Variants in COL5A1 observed in about 807,000 individuals in gnomAD.
COL5A1 encodes the protein collagen type V alpha 1 chain.
COL5A1 carries 16 observed loss-of-function variants against 263.7 expected under a neutral mutation model. The ratio of observed to expected loss-of-function variants is 0.06; its 90% confidence interval spans 0.04 to 0.09. The LOEUF (loss-of-function observed/expected upper bound fraction) is 0.09. Ranked by LOEUF, COL5A1 falls within the 10% of genes least tolerant of loss-of-function variation. The pLI, the probability that COL5A1 is intolerant of heterozygous loss-of-function variation, is 1.00. For synonymous variants in COL5A1, 1,012 were observed against 1,004.5 expected (o/e 1.01, Z -0.14); for missense variants, 2,036 against 2,540.5 (o/e 0.80, Z 4.27).
chr9:134,721,641 G>A (rs966340170), intron 4 of COL5A1, among the ~76,000 whole-genome samples: 21 of 152,290 alleles, frequency 1.4e-4, no homozygotes, highest in African/African-American at 4.1e-4. Context: ...CTCCTCCTCC[G>A]CCCAGTCCTT....
chr9:134,829,797 C>T (rs899995381), intron 63 of COL5A1, among the ~76,000 whole-genome samples, 179 bp from the exon 64 acceptor site: 6 of 152,204 alleles, frequency 3.9e-5, no homozygotes, highest in Admixed American at 1.3e-4. Flanking sequence ...CCAGTCTCCC[C>T]ACAAGGGCCG....
chr9:134,705,965 C>A (rs1833822863), intron 4 of COL5A1, among the ~76,000 whole-genome samples: 1 of 152,230 alleles, frequency 6.6e-6, no homozygotes, highest in Non-Finnish European at 1.5e-5. Context: ...GCGCCTCCTG[C>A]CCGTACCTGC....
At chr9:134,808,861 G>C in intron 42 of COL5A1, 1 of 431,478 alleles carries the variant, frequency 2.3e-6, no homozygotes, top group East Asian at 4.8e-5. Context: ...TCCACATACA[G>C]GCTCAAGAAT....
At chr9:134,747,649 A>G (rs1303199359) in intron 11 of COL5A1, among the ~76,000 whole-genome samples, 1 of 151,610 alleles carries the variant, frequency 6.6e-6, no homozygotes, top group Non-Finnish European at 1.5e-5. Flanking sequence ...GCATTCATAC[A>G]CATGCAGACA....
At chr9:134,761,795 C>T (rs1363586325) in intron 18 of COL5A1, 130 bp from the exon 19 acceptor site, 6 of 937,610 alleles carry the variant, frequency 6.4e-6, no homozygotes, top group Non-Finnish European at 1.1e-5. Flanking sequence ...GAAAATTCCC[C>T]CATTCTGGAA....
At chr9:134,791,476 C>A (rs1056422174) in intron 32 of COL5A1, among the ~76,000 whole-genome samples, 5 of 152,188 alleles carry the variant, frequency 3.3e-5, no homozygotes, top group East Asian at 1.9e-4. Flanking sequence ...GCAGCACTGC[C>A]TGGCTTTCTG....
At chr9:134,660,749 A>G (rs1832177482) in intron 1 of COL5A1, among the ~76,000 whole-genome samples, 1 of 152,176 alleles carries the variant, frequency 6.6e-6, no homozygotes, top group African/African-American at 2.4e-5. Context: ...GGAGCTGATG[A>G]TGTCTCTCTA....
In COL5A1 at chr9:134,696,276, C is replaced by T. The variant is rs1477361753; in HGVS notation, c.278-3633C>T. On this transcript the variant is annotated intron_variant, in intron 2 of 65. Transcript: ENST00000371817. This position sits in a 1 kb window ranked among gnomAD's most constrained non-coding sequence, Gnocchi z 4.3. ...GCAACCTCTGCCTCCCAGGTTCAAG[C>T]GATTCTCCTGCCTCAGCCCCCCGAG... is the stretch of plus-strand genomic sequence containing the variant. Among the ~76,000 whole-genome samples the T allele has an allele frequency of 6.6e-6, 1 of 152,072 alleles. No individual in the cohort carries two copies. Among genetic ancestry groups the T allele is most frequent in the African/African-American group, 2.4e-5 (1 of 41,392 alleles).
Position 134,729,515 on chromosome 9 carries a change from AGT to A in COL5A1, c.925-713_925-712del, listed in dbSNP as rs766549154. 7.5e-3 allele frequency among the ~76,000 whole-genome samples: 940 copies of A among 125,408 alleles called. 13 individuals carry two copies. The highest frequency in any genetic ancestry group is 0.029 in the Middle Eastern group (6 of 204). The allele number at this position is 125,408 out of a possible 152,430, so 82.3% of individuals were successfully genotyped here. ...GTGCTTGAGCCTGCGTGTGTGTGAG[AGT>A]GTGTGTGAGCGTGTGTGCATGCGGG... is the stretch of plus-strand genomic sequence containing the variant. On this transcript the variant is annotated intron_variant, in intron 6 of 65. Coordinates refer to ENST00000371817, the MANE Select transcript of COL5A1 (RefSeq NM_000093.5).
chr9:134,654,320 G>A (rs1271432140), intron 1 of COL5A1, among the ~76,000 whole-genome samples: 4 of 138,458 alleles, frequency 2.9e-5, no homozygotes, highest in Non-Finnish European at 1.6e-5. Context: ...AGGAGTGTAG[G>A]GCTGGGGTGT....
chr9:134,763,097 CAT>C (rs150267284), intron 19 of COL5A1, among the ~76,000 whole-genome samples: 7,938 of 152,146 alleles, frequency 0.052, 259 homozygotes, highest in African/African-American at 0.085. Flanking sequence ...TCTGTGTGTC[CAT>C]GTGTGTGTAG....
At chr9:134,785,564 A>G (rs1325525551) in intron 30 of COL5A1, among the ~76,000 whole-genome samples, 1 of 152,062 alleles carries the variant, frequency 6.6e-6, no homozygotes, top group South Asian at 2.1e-4. Flanking sequence ...TGGGCCAGCC[A>G]CACACCCTGG....
chr9:134,744,452 C>T (rs1835405607), intron 11 of COL5A1, among the ~76,000 whole-genome samples: 1 of 151,864 alleles, frequency 6.6e-6, no homozygotes, highest in South Asian at 2.1e-4. Flanking sequence ...TGTGTACACG[C>T]ACACACTCAC....
intron 11 of COL5A1, among the ~76,000 whole-genome samples, chr9:134,749,579 A>G (rs149302995): frequency 6.6e-6 from 1 of 152,326 alleles, no homozygotes; most frequent in East Asian, 1.9e-4. Context: ...GGAATCCATC[A>G]TGGGTTTCCT....
chr9:134,658,160 C>G (rs991492370), intron 1 of COL5A1, among the ~76,000 whole-genome samples: 1 of 152,054 alleles, frequency 6.6e-6, no homozygotes, highest in Non-Finnish European at 1.5e-5. Flanking sequence ...CAGGGGCTTT[C>G]TGCCCAGGGC....
chr9:134,820,257 T>C (rs1396146526), intron 58 of COL5A1, 34 bp downstream of exon 58: 6 of 1,558,676 alleles, frequency 3.8e-6, no homozygotes, highest in Non-Finnish European at 5.3e-6. Flanking sequence ...ATGTGGGCTG[T>C]CGAGAGGCAT....
intron 49 of COL5A1, among the ~76,000 whole-genome samples, chr9:134,814,532 A>T (rs1031595561): frequency 2.6e-5 from 4 of 152,294 alleles, no homozygotes; most frequent in Admixed American, 2.0e-4. Context: ...TGTCTGGTCC[A>T]GGAGTCAGTC....
intron 4 of COL5A1, among the ~76,000 whole-genome samples, chr9:134,725,687 C>T (rs765667675): frequency 2.8e-4 from 43 of 152,192 alleles, no homozygotes; most frequent in Non-Finnish European, 5.3e-4. Flanking sequence ...ATGCTTTTCC[C>T]GGCTGACACA....
chr9:134,738,897 C>A, intron 11 of COL5A1, 89 bp downstream of exon 11: 2 of 1,091,066 alleles, frequency 1.8e-6, no homozygotes, highest in South Asian at 1.2e-5. Flanking sequence ...CTGTCCCTGC[C>A]TGTGGAGGTG....
Sources: gnomAD v4.1 joint callset for allele counts (sites outside exome capture counted in the v4.1 genomes callset) on GRCh38, gnomAD v4.1.1 for gene constraint, Gnocchi (gnomAD v3.1) non-coding constraint, MANE v1.5 for transcripts, NCBI Gene and HGNC (gene_info 2026-07-23, HGNC 2026-07-21) for gene names.